Variants in ABHD12 observed in about 807,000 individuals in gnomAD.
ABHD12 encodes the protein lysophosphatidylserine lipase ABHD12.
A neutral mutation model predicts 58.3 loss-of-function variants in ABHD12; 43 were observed. The observed-to-expected ratio is 0.74, with a 90% CI of 0.58 to 0.95. The LOEUF (loss-of-function observed/expected upper bound fraction) is 0.95, where lower values mean the gene tolerates loss of function less well. Ranked by LOEUF, ABHD12 falls within the 40% of genes least tolerant of loss-of-function variation. ABHD12 has a pLI of 0.00. For synonymous variants in ABHD12, 219 were observed against 211.2 expected (o/e 1.04, Z -0.32); for missense variants, 539 against 537.2 (o/e 1.00, Z -0.03).
Position 25,339,555 on chromosome 20 carries a change from T to G in ABHD12, c.192-204A>C, listed in dbSNP as rs1186807576. On this transcript the variant is annotated intron_variant, in intron 1 of 12. Coordinates refer to ENST00000339157, the MANE Select transcript of ABHD12 (RefSeq NM_001042472.3). ...GTCTTTTAATTTGGGCTTAGAACTC[T>G]ACTGGGGGTAAGAGGAACTTTTTTT... is the stretch of plus-strand genomic sequence containing the variant. The G allele has an allele frequency of 6.3e-6, 9 of 1,427,082 alleles. No individual in the cohort carries two copies. In the East Asian group the frequency reaches 2.1e-4, roughly 33 times the overall value. The allele number at this position is 1,427,082 out of a possible 1,614,324, so 88.4% of individuals were successfully genotyped here.
At position 25,325,837 on chromosome 20, in the gene ABHD12, G is replaced by A. The variant is rs191758956; in HGVS notation, c.317-2407C>T. ...TGTAAACCTAGCACTTTGGGAGGCCGAGGCAGGTGGATCACCTGAGGTCAG... is the reference window on the plus strand; with the variant it reads ...TGTAAACCTAGCACTTTGGGAGGCCAAGGCAGGTGGATCACCTGAGGTCAG... On this transcript the variant is annotated intron_variant, in intron 2 of 12. Transcript: ENST00000339157. Among the ~76,000 whole-genome samples the A allele has an allele frequency of 1.1e-3, 173 of 152,200 alleles. 1 individual carries two copies. The highest frequency in any genetic ancestry group is 4.1e-3 in the African/African-American group (169 of 41,530).
chr20:25,308,084 G>T, intron 8 of ABHD12, 39 bp from the exon 9 acceptor site: 2 of 1,383,056 alleles, frequency 1.4e-6, no homozygotes, highest in Non-Finnish European at 2.1e-6. Flanking sequence ...TAGGCAGGAA[G>T]CCAGCGACAT....
At chr20:25,381,893 A>G (rs947682804) in intron 1 of ABHD12, among the ~76,000 whole-genome samples, 8 of 152,042 alleles carry the variant, frequency 5.3e-5, no homozygotes, top group Non-Finnish European at 7.4e-5. Flanking sequence ...CCTGAACTCA[A>G]GTGATCTGCC....
chr20:25,342,432 T>A (rs1052354671), intron 1 of ABHD12, among the ~76,000 whole-genome samples: 1 of 151,546 alleles, frequency 6.6e-6, no homozygotes, highest in Non-Finnish European at 1.5e-5. Flanking sequence ...CACTTCACTT[T>A]ACTGCACTTT....
intron 1 of ABHD12, among the ~76,000 whole-genome samples, chr20:25,371,077 T>C (rs886876503): frequency 1.4e-4 from 21 of 152,158 alleles, no homozygotes; most frequent in Admixed American, 7.2e-4. Context: ...CCAGAAGCTA[T>C]TTCTGAAAGA....
At chr20:25,368,337 A>G (rs2089852085) in intron 1 of ABHD12, 4 of 1,546,300 alleles carry the variant, frequency 2.6e-6, no homozygotes, top group South Asian at 2.2e-5. Flanking sequence ...CTGGAACCAC[A>G]GCGCTCCATG....
At chr20:25,315,787 C>G (rs2088949886) in intron 5 of ABHD12, among the ~76,000 whole-genome samples, 1 of 152,194 alleles carries the variant, frequency 6.6e-6, no homozygotes, top group African/African-American at 2.4e-5. Context: ...GCAATGTACT[C>G]CACGGGTAAA....
intron 1 of ABHD12, among the ~76,000 whole-genome samples, chr20:25,363,872 A>C (rs2089785804): frequency 6.6e-6 from 1 of 152,214 alleles, no homozygotes; most frequent in African/African-American, 2.4e-5. Flanking sequence ...TCTCAAAAAA[A>C]CAACAAAAAA....
At position 25,390,713 on chromosome 20, in the gene ABHD12, G is replaced by A. The variant is rs1468328183; in HGVS notation, c.-10C>T. ...CGGTCCGCTTCCTCATCCCGCGGCC[G>A]ACAGGGCCAGCCGCCGACGGCGCCC... is the stretch of plus-strand genomic sequence containing the variant. On this transcript the variant is annotated 5_prime_UTR_variant, in exon 1 of 13. Coordinates refer to ENST00000339157, the MANE Select transcript of ABHD12 (RefSeq NM_001042472.3). The A allele has an allele frequency of 2.9e-6, 4 of 1,363,398 alleles. No individual in the cohort carries two copies. Among genetic ancestry groups the A allele is most frequent in the Admixed American group, 2.9e-5 (1 of 34,004 alleles). The allele number at this position is 1,363,398 out of a possible 1,614,324, so 84.5% of individuals were successfully genotyped here. A position where few individuals can be genotyped will look rare whatever the true frequency, so the allele number is the denominator to read the frequency against.
chr20:25,314,950 G>T lies in ABHD12; in HGVS notation c.594C>A (p.Tyr198Ter), dbSNP rs1299830406. The stretch of plus-strand genomic sequence containing the variant: ...CTCTGTAGTCAAAGGTGACCACATG[G>T]TAACCAAGGGAACTCAGCACCTGTA... ...ELYKVLSSLGYHVVTFDYRGW... is the reference protein window; with the variant it reads ...ELYKVLSSLG The change falls in exon 6 of 13, where the codon TAC becomes TAA. Residue 198 changes from tyrosine (Y) to a stop codon, truncating the protein, a stop_gained. Coordinates refer to ENST00000339157, the MANE Select transcript of ABHD12 (RefSeq NM_001042472.3). LOFTEE classifies it high-confidence loss of function. The T allele has an allele frequency of 6.2e-7, 1 of 1,614,096 alleles. No individual in the cohort carries two copies. Among genetic ancestry groups the T allele is most frequent in the East Asian group, 2.2e-5 (1 of 44,894 alleles).
intron 1 of ABHD12, among the ~76,000 whole-genome samples, chr20:25,360,264 G>GT (rs1384516620): frequency 1.0e-4 from 4 of 38,270 alleles, no homozygotes; most frequent in African/African-American, 3.3e-4. Context: ...TTTTTGAGAT[G>GT]GAGTCTCACT....
chr20:25,323,750 T>C (rs866212841), intron 2 of ABHD12, among the ~76,000 whole-genome samples: 236 of 152,264 alleles, frequency 1.5e-3, no homozygotes, highest in African/African-American at 5.2e-3. Context: ...AAGGTCATTC[T>C]AGGTGTGAGA....
chr20:25,320,450 G>C (rs1053843012), intron 3 of ABHD12, 132 bp from the exon 4 acceptor site: 6 of 1,179,282 alleles, frequency 5.1e-6, no homozygotes, highest in Non-Finnish European at 7.4e-6. Flanking sequence ...TAACTACAGG[G>C]GAACAGATGG....
At chr20:25,384,383 T>C (rs1330520667) in intron 1 of ABHD12, among the ~76,000 whole-genome samples, 1 of 150,716 alleles carries the variant, frequency 6.6e-6, no homozygotes, top group Non-Finnish European at 1.5e-5. Context: ...CTTACCAATG[T>C]TAAAAAAGTT....
intron 2 of ABHD12, among the ~76,000 whole-genome samples, chr20:25,327,030 A>G (rs549802265): frequency 1.3e-5 from 2 of 152,332 alleles, no homozygotes; most frequent in South Asian, 4.1e-4. Context: ...GAGTATGCCC[A>G]GAATGTTGCA....
chr20:25,335,044 A>G (rs1192571977), intron 2 of ABHD12, among the ~76,000 whole-genome samples: 14 of 151,616 alleles, frequency 9.2e-5, no homozygotes, highest in African/African-American at 3.4e-4. Flanking sequence ...GAAAATTTTC[A>G]CAACCTACTC....
In ABHD12 at chr20:25,352,427, T is replaced by A. The variant is rs375009697; in HGVS notation, c.192-13076A>T. ...CCTCAGCCTCCCAAGTAGCTGGGAC[T>A]ACAGGCACGTGCCACCACACCTGGC... is the stretch of plus-strand genomic sequence containing the variant. On this transcript the variant is annotated intron_variant, in intron 1 of 12. Transcript: ENST00000339157. Among the ~76,000 whole-genome samples the A allele has an allele frequency of 9.2e-5, 14 of 152,276 alleles. No homozygotes were observed. The East Asian group carries it at 1.5e-3, about 17-fold the overall frequency.
intron 1 of ABHD12, among the ~76,000 whole-genome samples, chr20:25,347,146 C>T (rs1600833486): frequency 6.6e-6 from 1 of 152,056 alleles, no homozygotes; most frequent in Admixed American, 6.6e-5. Flanking sequence ...GAGAAAACTA[C>T]CTAATTTTGA....
intron 6 of ABHD12, among the ~76,000 whole-genome samples, chr20:25,313,495 T>C (rs1278144383): frequency 1.3e-5 from 2 of 152,096 alleles, no homozygotes; most frequent in East Asian, 1.9e-4. Context: ...CTTTGTTCAC[T>C]TGTTTATCTG....
Sources: allele counts gnomAD v4.1 joint callset (sites outside exome capture counted in the v4.1 genomes callset), GRCh38; gene constraint gnomAD v4.1.1; transcripts MANE v1.5; gene names NCBI Gene and HGNC (gene_info 2026-07-23, HGNC 2026-07-21).